The following MGAM2 variants were observed in gnomAD, a reference collection of about 807,000 sequenced individuals.
MGAM2 encodes maltase-glucoamylase 2 (putative).
In MGAM2, 98 loss-of-function variants were observed where a neutral mutation model predicts 96.1. That is an observed-to-expected ratio of 1.02 (90% CI 0.87 to 1.21). The LOEUF (loss-of-function observed/expected upper bound fraction) is 1.21. Among genes scored for constraint, MGAM2 ranks in the 50% most tolerant of loss-of-function variants. MGAM2 has a pLI of 0.00. For synonymous variants in MGAM2, 749 were observed against 414.8 expected (o/e 1.81, Z -9.79); for missense variants, 2,055 against 1,182.4 (o/e 1.74, Z -10.82).
At position 142,147,559 on chromosome 7, in the gene MGAM2, A is replaced by C; in HGVS notation, c.1620A>C (p.Ala540=). 1 of 702,550 alleles carries C rather than the reference A, an allele frequency of 1.4e-6. No individual in the cohort carries two copies. Among genetic ancestry groups the C allele is most frequent in the Non-Finnish European group, 2.6e-6 (1 of 384,808 alleles). 43.5% of individuals were successfully genotyped at this position (702,550 alleles called of 1,614,324 possible). ...DIHSLYGHSM[A]RTTNLALETI... ...ACAGCTTGTATGGCCACTCCATGGC[A>C]AGAACCACAAACTTGTAAGGACTTG... The change falls in exon 15 of 48, where the codon GCA becomes GCC. Residue 540 remains alanine, a synonymous_variant. Transcript: ENST00000477922.
At chr7:142,144,525 TA>T (rs1795328097) in intron 13 of MGAM2, among the ~76,000 whole-genome samples, 1 of 152,236 alleles carries the variant, frequency 6.6e-6, no homozygotes, top group South Asian at 2.1e-4. Flanking sequence ...CTTAGGTTCT[TA>T]ACAATAACAA....
chr7:142,126,300 GT>G (rs1405896877), intron 3 of MGAM2, among the ~76,000 whole-genome samples: 1 of 151,852 alleles, frequency 6.6e-6, no homozygotes, highest in East Asian at 1.9e-4. Context: ...GCACATCTAT[GT>G]TTTTTAAATG....
At position 142,140,876 on chromosome 7, in the gene MGAM2, T is replaced by C. The variant is rs1585156447; in HGVS notation, c.1161T>C (p.Gly387=). The C allele has an allele frequency of 2.8e-6, 2 of 702,992 alleles. No individual in the cohort carries two copies. Among genetic ancestry groups the C allele is most frequent in the South Asian group, 1.5e-5 (1 of 67,604 alleles). 43.5% of individuals were successfully genotyped at this position (702,992 alleles called of 1,614,324 possible). A position where few individuals can be genotyped will look rare whatever the true frequency, so the allele number is the denominator to read the frequency against. The change falls in exon 11 of 48, where the codon GGT becomes GGC. Residue 387 remains glycine, a synonymous_variant. Coordinates refer to ENST00000477922, the MANE Select transcript of MGAM2 (RefSeq NM_001293626.2). ...DFTVDEVAYS[G]LPDFVKELHD... is the part of the protein sequence containing the mutation. ...CTGTTGATGAAGTCGCTTACTCTGGTCTCCCAGATTTTGTCAAGGAGTTAC... is the reference window on the plus strand; with the variant it reads ...CTGTTGATGAAGTCGCTTACTCTGGCCTCCCAGATTTTGTCAAGGAGTTAC...
chr7:142,186,098 GC>G lies in MGAM2; in HGVS notation c.4098del (p.Leu1367Ter). On this transcript the variant is annotated frameshift_variant, in exon 35 of 48. Coordinates refer to ENST00000477922, the MANE Select transcript of MGAM2 (RefSeq NM_001293626.2). LOFTEE classifies it high-confidence loss of function. ...GCAAACCCTCGAGAGCCAGAGAAGA[GC>G]TTGAAGTTTGATGGATTGTGGATTG... The part of the protein sequence containing the change: ...LYANPREPEK[S>X]LKFDGLWIDM... 1 of 705,896 alleles carries G rather than the reference GC, an allele frequency of 1.4e-6. No homozygotes were observed. The highest frequency in any genetic ancestry group is 2.7e-5 in the East Asian group (1 of 37,272). The allele number at this position is 705,896 out of a possible 1,614,324, so 43.7% of individuals were successfully genotyped here. A position where few individuals can be genotyped will look rare whatever the true frequency, so the allele number is the denominator to read the frequency against.
chr7:142,158,583 G>A (rs2129085775), intron 19 of MGAM2, among the ~76,000 whole-genome samples: 1 of 152,300 alleles, frequency 6.6e-6, no homozygotes, highest in East Asian at 1.9e-4. Context: ...TATGGCTGCA[G>A]CATTGACAAT....
At chr7:142,177,232 C>G (rs1796406905) in intron 32 of MGAM2, among the ~76,000 whole-genome samples, 1 of 152,186 alleles carries the variant, frequency 6.6e-6, no homozygotes, top group South Asian at 2.1e-4. Flanking sequence ...AGGCATGTCT[C>G]TCATGGTGGC....
chr7:142,171,388 GAA>G lies in MGAM2; in HGVS notation c.3301_3302del (p.Asn1101HisfsTer12). On this transcript the variant is annotated frameshift_variant, in exon 28 of 48. Coordinates refer to ENST00000477922, the MANE Select transcript of MGAM2 (RefSeq NM_001293626.2). LOFTEE classifies it high-confidence loss of function. ...GAAACTGAGCACACGACTTTCAGAA[GAA>G]ACATGAACTGGAACACATGGGGAAT... 1 of 703,208 alleles carries G rather than the reference GAA, an allele frequency of 1.4e-6. No homozygotes were observed. Among genetic ancestry groups the G allele is most frequent in the South Asian group, 1.5e-5 (1 of 67,586 alleles). The allele number at this position is 703,208 out of a possible 1,614,324, so 43.6% of individuals were successfully genotyped here. A position where few individuals can be genotyped will look rare whatever the true frequency, so the allele number is the denominator to read the frequency against.
At position 142,220,272 on chromosome 7, in the gene MGAM2, A is replaced by G. The variant is rs771353482; in HGVS notation, c.5761A>G (p.Thr1921Ala). 2.4e-5 allele frequency: 17 copies of G among 702,574 alleles called. No homozygotes were observed. Among genetic ancestry groups the G allele is most frequent in the Non-Finnish European group, 4.2e-5 (16 of 384,914 alleles). 43.5% of individuals were successfully genotyped at this position (702,574 alleles called of 1,614,324 possible). The change falls in exon 48 of 48, where the codon ACT (threonine) becomes GCT (alanine). Residue 1921 changes from threonine (T) to alanine (A), a missense_variant. Transcript: ENST00000477922. ...AACTAATGCTACTGTTCCCAATACA[A>G]CTGCCCCTTTCCCAACAAATGCTAG... ...VTTNATVPNTTAPFPTNASTA... is the reference protein window; with the variant it reads ...VTTNATVPNTAAPFPTNASTA...
chr7:142,173,735 A>C (rs1306910092), intron 31 of MGAM2, among the ~76,000 whole-genome samples: 1 of 152,176 alleles, frequency 6.6e-6, no homozygotes, highest in Non-Finnish European at 1.5e-5. Context: ...CTAAATATTA[A>C]TCACTTTAGT....
At position 142,208,083 on chromosome 7, in the gene MGAM2, T is replaced by A. The variant is rs1159887582; in HGVS notation, c.5138-490T>A. The A allele has an allele frequency of 2.8e-5, 12 of 434,962 alleles. No homozygotes were observed. The Admixed American group carries it at 2.9e-4, about 11-fold the overall frequency. The allele number at this position is 434,962 out of a possible 1,614,324, so 26.9% of individuals were successfully genotyped here. ...CACTAACTAGGTACTATTATCTCCA[T>A]TCTATAGATGATAAAATGTTAAGTA... On this transcript the variant is annotated intron_variant, in intron 45 of 47. Transcript: ENST00000477922.
At chr7:142,151,813 A>G (rs1361751188) in intron 15 of MGAM2, among the ~76,000 whole-genome samples, 1 of 152,250 alleles carries the variant, frequency 6.6e-6, no homozygotes, top group Non-Finnish European at 1.5e-5. Context: ...CTGGCCAGGC[A>G]TAATGGCCTA....
At chr7:142,176,865 C>T (rs911640647) in intron 32 of MGAM2, among the ~76,000 whole-genome samples, 1 of 152,024 alleles carries the variant, frequency 6.6e-6, no homozygotes, top group Non-Finnish European at 1.5e-5. Context: ...GGAGAAACAC[C>T]AATGCATTCT....
chr7:142,142,081 T>G (rs1795247254), intron 12 of MGAM2, among the ~76,000 whole-genome samples: 1 of 152,204 alleles, frequency 6.6e-6, no homozygotes, highest in African/African-American at 2.4e-5. Context: ...AACTGTCTTT[T>G]CAGGGTTATG....
rs1797388374 is a variant in MGAM2 at position 142,205,973 on chromosome 7, G to A, written c.5138-2600G>A. Among the ~76,000 whole-genome samples, 2 of 152,190 alleles carry A rather than the reference G, an allele frequency of 1.3e-5. 1 individual carries two copies. The highest frequency in any genetic ancestry group is 2.9e-5 in the Non-Finnish European group (2 of 67,946). Reference sequence around the variant, plus strand: ...TTGAGTTAATTTTTGTGTATGGTGTGAGGCAGGGGTCTAACTTCTTTCTTT... The same window carrying A: ...TTGAGTTAATTTTTGTGTATGGTGTAAGGCAGGGGTCTAACTTCTTTCTTT... On this transcript the variant is annotated intron_variant, in intron 45 of 47. Coordinates refer to ENST00000477922, the MANE Select transcript of MGAM2 (RefSeq NM_001293626.2).
At chr7:142,170,000 T>G in intron 26 of MGAM2, 75 bp from the exon 27 acceptor site, 1 of 618,890 alleles carries the variant, frequency 1.6e-6, no homozygotes, top group Non-Finnish European at 2.9e-6. Flanking sequence ...ACATGGAAAC[T>G]GAATTATATG....
chr7:142,154,684 C>T (rs767229068), intron 16 of MGAM2, 45 bp from the exon 17 acceptor site: 96 of 697,600 alleles, frequency 1.4e-4, no homozygotes, highest in East Asian at 5.9e-4. Flanking sequence ...TACATGCTTT[C>T]GCCTCTCATT....
intron 31 of MGAM2, among the ~76,000 whole-genome samples, chr7:142,174,863 G>T (rs1180466341): frequency 6.6e-6 from 1 of 151,610 alleles, no homozygotes; most frequent in Non-Finnish European, 1.5e-5. Context: ...CTACAGGTGT[G>T]GGCCACCAAG....
chr7:142,166,042 C>G, intron 24 of MGAM2, 56 bp from the exon 25 acceptor site: 1 of 617,580 alleles, frequency 1.6e-6, no homozygotes, highest in Non-Finnish European at 2.9e-6. Flanking sequence ...GCCAAGAACT[C>G]TTTCTGGGTG....
intron 45 of MGAM2, among the ~76,000 whole-genome samples, chr7:142,202,629 T>C (rs1205023015): frequency 6.6e-6 from 1 of 152,204 alleles, no homozygotes; most frequent in Admixed American, 6.5e-5. Context: ...GCATCCATGC[T>C]GCTGCATAGG....
Sources: allele counts gnomAD v4.1 joint callset (sites outside exome capture counted in the v4.1 genomes callset), GRCh38; gene constraint gnomAD v4.1.1; transcripts MANE v1.5; gene names NCBI Gene and HGNC (gene_info 2026-07-23, HGNC 2026-07-21).